The following LRRC4C variants were observed in gnomAD, a reference collection of about 807,000 sequenced individuals.
The protein encoded by LRRC4C is leucine-rich repeat-containing protein 4C.
In LRRC4C, 5 loss-of-function variants were observed where a neutral mutation model predicts 33.6. That is an observed-to-expected ratio of 0.15 (90% CI 0.08 to 0.31). The LOEUF (loss-of-function observed/expected upper bound fraction) is 0.31. Among genes scored for constraint, LRRC4C ranks in the 10% least tolerant of loss-of-function variants. LRRC4C has a pLI of 1.00. For synonymous variants in LRRC4C, 329 were observed against 302.0 expected (o/e 1.09, Z -0.93); for missense variants, 560 against 796.7 (o/e 0.70, Z 3.58).
intron 1 of LRRC4C, among the ~76,000 whole-genome samples, chr11:41,042,477 A>G (rs1007382726): frequency 2.6e-5 from 4 of 152,192 alleles, no homozygotes; most frequent in Non-Finnish European, 2.9e-5. Context: ...ACATGGAGAG[A>G]CCATAAGGAG....
At chr11:40,211,229 C>A (rs1387086226) in intron 5 of LRRC4C, among the ~76,000 whole-genome samples, 1 of 152,174 alleles carries the variant, frequency 6.6e-6, no homozygotes, top group Non-Finnish European at 1.5e-5. Context: ...TAGATGATAT[C>A]TTGTGTTGCT....
At chr11:41,316,280 C>CAAAAAAAAAAAAAAAAAAAAAAAA (rs796848005) in intron 1 of LRRC4C, among the ~76,000 whole-genome samples, 2 of 90,656 alleles carry the variant, frequency 2.2e-5, no homozygotes, top group East Asian at 3.2e-4. Context: ...AAAAAAAAAA[C>CAAAAAAAAAAAAAAAAAAAAAAAA]AAAAAAAAAC....
At chr11:41,044,504 C>T (rs1857640736) in intron 1 of LRRC4C, among the ~76,000 whole-genome samples, 1 of 152,046 alleles carries the variant, frequency 6.6e-6, no homozygotes. Context: ...CAGACTGGAG[C>T]TAGGTCTTGG....
chr11:41,020,208 G>T (rs1157930775), intron 1 of LRRC4C, among the ~76,000 whole-genome samples: 1 of 152,058 alleles, frequency 6.6e-6, no homozygotes, highest in Non-Finnish European at 1.5e-5. Context: ...TCTGATCACA[G>T]AATTTCTCTC....
intron 5 of LRRC4C, among the ~76,000 whole-genome samples, chr11:40,224,067 C>T (rs1420689045): frequency 2.0e-5 from 3 of 152,122 alleles, no homozygotes; most frequent in Non-Finnish European, 2.9e-5. Context: ...ATGCATTTTG[C>T]ACAGAGAGAT....
chr11:41,398,222 T>C (rs1953894739), intron 1 of LRRC4C, among the ~76,000 whole-genome samples: 1 of 151,994 alleles, frequency 6.6e-6, no homozygotes, highest in Non-Finnish European at 1.5e-5. Flanking sequence ...TCTTAGGAAG[T>C]CTTGGCCCAG....
intron 4 of LRRC4C, among the ~76,000 whole-genome samples, chr11:40,274,581 G>C (rs1424777598): frequency 6.6e-6 from 1 of 151,982 alleles, no homozygotes; most frequent in African/African-American, 2.4e-5. Flanking sequence ...GCAAAGAAAG[G>C]AAATTAGCCA....
chr11:41,042,938 C>T (rs921997598), intron 1 of LRRC4C, among the ~76,000 whole-genome samples: 1 of 150,104 alleles, frequency 6.7e-6, no homozygotes, highest in African/African-American at 2.4e-5. Context: ...GAGGCAATTA[C>T]TAGATGAAAG....
At chr11:41,304,553 G>A (rs1377349629) in intron 1 of LRRC4C, among the ~76,000 whole-genome samples, 5 of 112,162 alleles carry the variant, frequency 4.5e-5, no homozygotes, top group Admixed American at 8.3e-5. Context: ...CCGGCCAGCC[G>A]CCCCGTCTGG....
intron 3 of LRRC4C, among the ~76,000 whole-genome samples, chr11:40,615,238 TTATATATA>T (rs756021420): frequency 3.2e-4 from 28 of 88,148 alleles, no homozygotes; most frequent in Non-Finnish European, 5.9e-4. Flanking sequence ...TTGATTTATT[TTATATATA>T]TATATATATA....
chr11:41,241,270 A>T (rs1193984151), intron 1 of LRRC4C, among the ~76,000 whole-genome samples: 2 of 152,184 alleles, frequency 1.3e-5, no homozygotes, highest in East Asian at 3.9e-4. Flanking sequence ...GGGACCTATC[A>T]TATCCTGGTG....
At chr11:41,282,332 G>A (rs1186478107) in intron 1 of LRRC4C, among the ~76,000 whole-genome samples, 1 of 152,240 alleles carries the variant, frequency 6.6e-6, no homozygotes, top group Non-Finnish European at 1.5e-5. Flanking sequence ...AGGCGATTGA[G>A]AGGATATCAA....
chr11:40,288,906 T>G (rs1944015600), intron 4 of LRRC4C, among the ~76,000 whole-genome samples: 1 of 152,172 alleles, frequency 6.6e-6, no homozygotes, highest in African/African-American at 2.4e-5. Context: ...ATGACACACT[T>G]AAAATACCAG....
In LRRC4C at chr11:41,213,037, C is replaced by T. The variant is rs111861946; in HGVS notation, c.-496+246394G>A. 7.2e-3 allele frequency among the ~76,000 whole-genome samples: 1,095 copies of T among 152,230 alleles called. 14 individuals are homozygous for T. The highest frequency in any genetic ancestry group is 0.024 in the African/African-American group (1,008 of 41,538). On this transcript the variant is annotated intron_variant, in intron 1 of 6. Coordinates refer to ENST00000528697, the MANE Select transcript of LRRC4C (RefSeq NM_001258419.2). The stretch of plus-strand genomic sequence containing the variant: ...GTGTAATAAAGGTAATAAAGTTTGC[C>T]TCCTATGATTTTTGGAGGATTAAAT...
intron 1 of LRRC4C, among the ~76,000 whole-genome samples, chr11:41,150,737 C>T (rs1006640172): frequency 6.6e-6 from 1 of 150,436 alleles, no homozygotes; most frequent in African/African-American, 2.5e-5. Flanking sequence ...TGCAGTGAGC[C>T]GAGATCATGC....
At chr11:41,162,733 A>G (rs1565440107) in intron 1 of LRRC4C, among the ~76,000 whole-genome samples, 1 of 152,218 alleles carries the variant, frequency 6.6e-6, no homozygotes, top group Non-Finnish European at 1.5e-5. Flanking sequence ...CTTTCCATGA[A>G]TGGAGCTTGC....
At chr11:40,953,545 A>C (rs1193567696) in intron 1 of LRRC4C, among the ~76,000 whole-genome samples, 1 of 151,900 alleles carries the variant, frequency 6.6e-6, no homozygotes, top group Non-Finnish European at 1.5e-5. Flanking sequence ...CCCTGATTAA[A>C]TTTTATACTA....
chr11:40,381,419 A>T (rs1199500137), intron 3 of LRRC4C, among the ~76,000 whole-genome samples: 1 of 152,198 alleles, frequency 6.6e-6, no homozygotes, highest in Admixed American at 6.5e-5. Context: ...TATTTAAAAT[A>T]AGTATAAGAA....
intron 5 of LRRC4C, among the ~76,000 whole-genome samples, chr11:40,232,824 A>G (rs1865298225): frequency 6.6e-6 from 1 of 152,174 alleles, no homozygotes; most frequent in South Asian, 2.1e-4. Flanking sequence ...GTTTCATCAC[A>G]TCTTGCCTGG....
Sources: gnomAD v4.1 joint callset for allele counts (sites outside exome capture counted in the v4.1 genomes callset) on GRCh38, gnomAD v4.1.1 for gene constraint, MANE v1.5 for transcripts, NCBI Gene and HGNC (gene_info 2026-07-23, HGNC 2026-07-21) for gene names.